The following ITPRID1 variants were observed in gnomAD, a reference collection of about 807,000 sequenced individuals.
ITPRID1 encodes protein ITPRID1.
In ITPRID1, 96 loss-of-function variants were observed where a neutral mutation model predicts 95.4. The ratio of observed to expected loss-of-function variants is 1.01; its 90% CI spans 0.85 to 1.19. The LOEUF (loss-of-function observed/expected upper bound fraction) is 1.19, where lower values mean the gene tolerates loss of function less well. Among genes scored for constraint, ITPRID1 ranks in the 50% most tolerant of loss-of-function variants. The probability of loss-of-function intolerance (pLI) is 0.00; values close to 1 mark genes in which losing one functional copy is unlikely to be tolerated. For missense variants in ITPRID1, 1,339 were observed against 1,252.9 expected (o/e 1.07, Z -1.04); for synonymous variants, 510 against 453.6 (o/e 1.12, Z -1.58).
At chr7:31,633,337 A>G (rs1469486333) in intron 10 of ITPRID1, among the ~76,000 whole-genome samples, 1 of 152,152 alleles carries the variant, frequency 6.6e-6, no homozygotes, top group Non-Finnish European at 1.5e-5. Flanking sequence ...CAATACAAAG[A>G]CGAATTTCCT....
At chr7:31,626,469 C>A (rs537655474) in intron 10 of ITPRID1, among the ~76,000 whole-genome samples, 1 of 152,252 alleles carries the variant, frequency 6.6e-6, no homozygotes, top group African/African-American at 2.4e-5. Flanking sequence ...CACTATATTT[C>A]TGTTTGCATT....
chr7:31,624,796 T>G (rs1283624058), intron 10 of ITPRID1, among the ~76,000 whole-genome samples: 1 of 151,968 alleles, frequency 6.6e-6, no homozygotes, highest in Admixed American at 6.6e-5. Flanking sequence ...CTAAAGAGCT[T>G]CTGCACAGCA....
At chr7:31,635,477 C>G (rs1051696975) in intron 10 of ITPRID1, among the ~76,000 whole-genome samples, 10 of 152,136 alleles carry the variant, frequency 6.6e-5, no homozygotes, top group Admixed American at 6.5e-5. Context: ...AGTGAGGTTC[C>G]CAATGTCTGA....
chr7:31,621,076 G>T (rs946279568), intron 10 of ITPRID1, among the ~76,000 whole-genome samples: 1 of 151,786 alleles, frequency 6.6e-6, no homozygotes, highest in African/African-American at 2.4e-5. Flanking sequence ...AAAAAGAAAT[G>T]AGCAAAGCCT....
chr7:31,602,543 G>A lies in ITPRID1; in HGVS notation c.1228+19352G>A, dbSNP rs117495312. The stretch of plus-strand genomic sequence containing the variant: ...TTAGGACCCAGCGCCTGCACGAGAG[G>A]CTGCATTAGTTCCCAGTAGGACACC... On this transcript the variant is annotated intron_variant, in intron 10 of 14. Coordinates refer to ENST00000615280, the MANE Select transcript of ITPRID1 (RefSeq NM_001257967.3). Among the ~76,000 whole-genome samples the A allele has an allele frequency of 2.4e-3, 373 of 152,286 alleles. 3 individuals carry two copies. In the East Asian group the frequency reaches 0.025, roughly 10 times the overall value.
chr7:31,586,510 T>G (rs1416597684), intron 10 of ITPRID1, among the ~76,000 whole-genome samples: 4 of 151,148 alleles, frequency 2.6e-5, no homozygotes, highest in Non-Finnish European at 4.4e-5. Flanking sequence ...TGTTGTTTCC[T>G]GACTTTTTAA....
At position 31,554,897 on chromosome 7, in the gene ITPRID1, C is replaced by T; in HGVS notation, c.252C>T (p.Arg84=). 1.3e-6 allele frequency: 2 copies of T among 1,578,720 alleles called. No homozygotes were observed. Among genetic ancestry groups the T allele is most frequent in the South Asian group, 2.3e-5 (2 of 86,482 alleles). ...AAAACTTTCAACAAGTCATTGACCG[C>T]ACTGGTAAGACAAGAGAAGCAGTTA... is the stretch of plus-strand genomic sequence containing the variant. ...ANENFQQVID[R]TVSLYEQGMV... The change falls in exon 5 of 15, where the codon CGC becomes CGT. Residue 84 remains arginine, a synonymous_variant. Coordinates refer to ENST00000615280, the MANE Select transcript of ITPRID1 (RefSeq NM_001257967.3).
chr7:31,523,946 G>T (rs1783346473), intron 1 of ITPRID1, among the ~76,000 whole-genome samples: 2 of 152,170 alleles, frequency 1.3e-5, no homozygotes, highest in South Asian at 2.1e-4. Context: ...AGTTGTAAAA[G>T]TGTTGGTTCT....
intron 1 of ITPRID1, chr7:31,518,332 C>T (rs912010895): frequency 9.9e-5 from 15 of 152,164 alleles, no homozygotes; most frequent in African/African-American, 3.1e-4. Flanking sequence ...CTTCCAGGAC[C>T]GTAAGGTAAT....
chr7:31,583,641 C>T (rs1785487227), intron 10 of ITPRID1, among the ~76,000 whole-genome samples: 1 of 152,004 alleles, frequency 6.6e-6, no homozygotes, highest in African/African-American at 2.4e-5. Flanking sequence ...AAAAACAAAA[C>T]AAAACAAAAG....
At chr7:31,538,722 A>G (rs116031144) in intron 1 of ITPRID1, among the ~76,000 whole-genome samples, 2 of 152,340 alleles carry the variant, frequency 1.3e-5, no homozygotes, top group African/African-American at 2.4e-5. Flanking sequence ...TGAGTGTGTC[A>G]TATCAGGAGG....
chr7:31,524,664 A>G (rs1375076385), intron 1 of ITPRID1, among the ~76,000 whole-genome samples: 1 of 152,220 alleles, frequency 6.6e-6, no homozygotes, highest in Non-Finnish European at 1.5e-5. Flanking sequence ...AAGGTAGTAA[A>G]GGAAATTTTT....
intron 10 of ITPRID1, among the ~76,000 whole-genome samples, chr7:31,603,332 G>A (rs1257455021): frequency 1.3e-5 from 2 of 151,964 alleles, no homozygotes; most frequent in East Asian, 1.9e-4. Context: ...CCAGCATGCC[G>A]AGTTAACACA....
intron 10 of ITPRID1, among the ~76,000 whole-genome samples, chr7:31,623,431 G>A (rs1788115857): frequency 6.6e-6 from 1 of 150,926 alleles, no homozygotes; most frequent in Non-Finnish European, 1.5e-5. Flanking sequence ...TCATCCCTGG[G>A]ATGCAAGGCT....
intron 5 of ITPRID1, among the ~76,000 whole-genome samples, chr7:31,568,876 C>A (rs1189068467): frequency 6.6e-6 from 1 of 152,164 alleles, no homozygotes; most frequent in Non-Finnish European, 1.5e-5. Flanking sequence ...GAAACAACAA[C>A]AACAAGCTAA....
At chr7:31,603,355 A>G (rs1303571343) in intron 10 of ITPRID1, among the ~76,000 whole-genome samples, 1 of 152,004 alleles carries the variant, frequency 6.6e-6, no homozygotes, top group African/African-American at 2.4e-5. Context: ...GGCTCCTGTG[A>G]CATTGCAAGT....
chr7:31,642,337 A>C, intron 11 of ITPRID1, 79 bp downstream of exon 11: 1 of 940,790 alleles, frequency 1.1e-6, no homozygotes, highest in Non-Finnish European at 1.6e-6. Flanking sequence ...TGCCACCCAA[A>C]CCTCACTCAC....
chr7:31,525,146 A>T (rs1329778416), intron 1 of ITPRID1, among the ~76,000 whole-genome samples: 1 of 152,238 alleles, frequency 6.6e-6, no homozygotes, highest in East Asian at 1.9e-4. Context: ...TCTGTGAAGG[A>T]AGCATCTGTA....
Position 31,642,891 on chromosome 7 carries a change from G to C in ITPRID1, c.1521G>C (p.Leu507=), listed in dbSNP as rs770235105. The part of the protein sequence containing the change: ...ASVSVMEEEF[L]LEAMEGPPEL... Reference sequence around the variant, plus strand: ...TATCTGTGATGGAGGAAGAGTTTCTGCTTGAGGCCATGGAGGGGCCACCAG... The same window carrying C: ...TATCTGTGATGGAGGAAGAGTTTCTCCTTGAGGCCATGGAGGGGCCACCAG... Residue 507 remains leucine, a synonymous_variant, in exon 12 of 15, where the codon CTG becomes CTC. Transcript: ENST00000615280. 1 of 1,614,024 alleles carries C rather than the reference G, an allele frequency of 6.2e-7. No homozygotes were observed. The highest frequency in any genetic ancestry group is 8.5e-7 in the Non-Finnish European group (1 of 1,179,898).
Sources: allele counts gnomAD v4.1 joint callset (sites outside exome capture counted in the v4.1 genomes callset), GRCh38; gene constraint gnomAD v4.1.1; transcripts MANE v1.5; gene names NCBI Gene and HGNC (gene_info 2026-07-23, HGNC 2026-07-21).